MAST4: variants seen among roughly 807,000 people sequenced by gnomAD.
MAST4 encodes microtubule-associated serine/threonine-protein kinase 4.
A neutral mutation model predicts 162.7 loss-of-function variants in MAST4; 89 were observed. The observed-to-expected ratio is 0.55, with a 90% CI of 0.46 to 0.65. The LOEUF (loss-of-function observed/expected upper bound fraction) is 0.65, where lower values mean the gene tolerates loss of function less well. Among genes scored for constraint, MAST4 ranks in the 30% least tolerant of loss-of-function variants. MAST4 has a pLI of 0.00. For synonymous variants in MAST4, 1,479 were observed against 1,361.1 expected (o/e 1.09, Z -1.91); for missense variants, 3,153 against 3,374.0 (o/e 0.93, Z 1.62).
At chr5:66,688,920 T>G (rs1035695047) in intron 1 of MAST4, among the ~76,000 whole-genome samples, 1 of 152,136 alleles carries the variant, frequency 6.6e-6, no homozygotes, top group African/African-American at 2.4e-5. Context: ...AGAGGAACAT[T>G]ATGTGAAATT....
chr5:66,979,995 C>G (rs948368448), intron 4 of MAST4, among the ~76,000 whole-genome samples: 1 of 146,952 alleles, frequency 6.8e-6, no homozygotes, highest in Non-Finnish European at 1.5e-5. Context: ...TCAGGCACCA[C>G]TATTATTGCA....
chr5:67,160,653 C>T (rs1224380669), intron 27 of MAST4, 61 bp downstream of exon 27: 2 of 1,536,520 alleles, frequency 1.3e-6, no homozygotes, highest in Non-Finnish European at 1.8e-6. Flanking sequence ...AAAAGTTACC[C>T]CTTAATTAAA....
At chr5:67,005,143 C>G (rs762395728) in intron 4 of MAST4, 8 of 720,706 alleles carry the variant, frequency 1.1e-5, no homozygotes, top group Non-Finnish European at 2.1e-5. Context: ...CAGGGGCCCA[C>G]AGGCGGAGCT....
intron 6 of MAST4, among the ~76,000 whole-genome samples, chr5:67,090,579 A>G (rs1238797661): frequency 2.7e-5 from 4 of 149,440 alleles, no homozygotes; most frequent in African/African-American, 9.9e-5. Flanking sequence ...GTTTTAACAC[A>G]CCTGCTTTAA....
chr5:66,747,201 G>A (rs371045652), intron 1 of MAST4, among the ~76,000 whole-genome samples: 5 of 152,070 alleles, frequency 3.3e-5, no homozygotes, highest in African/African-American at 1.2e-4. Flanking sequence ...CAGTATCAAA[G>A]TGCTAATATA....
intron 5 of MAST4, among the ~76,000 whole-genome samples, chr5:67,064,878 A>C (rs1760048106): frequency 6.6e-6 from 1 of 152,244 alleles, no homozygotes; most frequent in Non-Finnish European, 1.5e-5. Flanking sequence ...CAACTTCTTG[A>C]AGTTACTGAG....
At chr5:66,815,190 TA>T (rs1227753811) in intron 3 of MAST4, among the ~76,000 whole-genome samples, 1 of 152,236 alleles carries the variant, frequency 6.6e-6, no homozygotes, top group Non-Finnish European at 1.5e-5. Flanking sequence ...TTATGATTTT[TA>T]TACCAAAATG....
chr5:66,723,127 C>T (rs1056359636), intron 1 of MAST4, among the ~76,000 whole-genome samples: 2 of 152,106 alleles, frequency 1.3e-5, no homozygotes, highest in African/African-American at 2.4e-5. Flanking sequence ...TTTACTCCTA[C>T]GTCTTCAGTG....
intron 1 of MAST4, among the ~76,000 whole-genome samples, chr5:66,639,939 T>G (rs1467151785): frequency 3.9e-5 from 6 of 152,208 alleles, no homozygotes; most frequent in Admixed American, 1.3e-4. Flanking sequence ...TTACCTTTTT[T>G]GTGTGTGGTA....
chr5:67,105,032 T>C (rs1765443700), intron 10 of MAST4, among the ~76,000 whole-genome samples: 1 of 152,234 alleles, frequency 6.6e-6, no homozygotes, highest in Admixed American at 6.5e-5. Flanking sequence ...TGGCAACCTA[T>C]ATTTTCATTA....
At chr5:66,623,859 A>C (rs1441947058) in intron 1 of MAST4, among the ~76,000 whole-genome samples, 1 of 152,232 alleles carries the variant, frequency 6.6e-6, no homozygotes, top group Non-Finnish European at 1.5e-5. Flanking sequence ...ATATACATGG[A>C]AAATCCTAAA....
intron 4 of MAST4, among the ~76,000 whole-genome samples, chr5:66,969,836 A>G (rs1361256001): frequency 6.6e-6 from 1 of 152,176 alleles, no homozygotes; most frequent in African/African-American, 2.4e-5. Context: ...GAGAGGTCCC[A>G]TTTGTCTTTT....
chr5:66,625,211 A>ATGGGATTCAGGT (rs1386564032), intron 1 of MAST4, among the ~76,000 whole-genome samples: 2 of 152,118 alleles, frequency 1.3e-5, no homozygotes, highest in African/African-American at 2.4e-5. Context: ...TATATTGCAT[A>ATGGGATTCAGGT]TGGGATTCAG....
At chr5:66,803,929 A>G (rs1756046961) in intron 3 of MAST4, among the ~76,000 whole-genome samples, 2 of 151,812 alleles carry the variant, frequency 1.3e-5, no homozygotes, top group Non-Finnish European at 2.9e-5. Context: ...AGTATGATAA[A>G]TGCTATGGGC....
At chr5:66,659,174 T>C (rs758823359) in intron 1 of MAST4, among the ~76,000 whole-genome samples, 5 of 152,120 alleles carry the variant, frequency 3.3e-5, no homozygotes, top group Admixed American at 6.5e-5. Context: ...GTAAAACCCT[T>C]CCTTCAAGCC....
At chr5:66,685,181 T>G (rs1176623847) in intron 1 of MAST4, among the ~76,000 whole-genome samples, 1 of 152,000 alleles carries the variant, frequency 6.6e-6, no homozygotes, top group Admixed American at 6.6e-5. Context: ...GAGGATTGCT[T>G]GAGACTGGGA....
At chr5:66,865,393 T>C (rs1760435638) in intron 3 of MAST4, among the ~76,000 whole-genome samples, 1 of 151,324 alleles carries the variant, frequency 6.6e-6, no homozygotes, top group South Asian at 2.1e-4. Context: ...GCATGCAGGA[T>C]TACACTAGTC....
At chr5:66,756,309 G>T (rs1353476605) in intron 1 of MAST4, among the ~76,000 whole-genome samples, 2 of 152,182 alleles carry the variant, frequency 1.3e-5, no homozygotes, top group African/African-American at 4.8e-5. Flanking sequence ...AGGACATATT[G>T]CTGTTTCAAT....
At chr5:67,101,610 A>G (rs1765040311) in intron 8 of MAST4, among the ~76,000 whole-genome samples, 1 of 152,188 alleles carries the variant, frequency 6.6e-6, no homozygotes, top group African/African-American at 2.4e-5. Flanking sequence ...AAAATAGCTT[A>G]TTTATTAGGC....
Sources: allele counts gnomAD v4.1 joint callset (sites outside exome capture counted in the v4.1 genomes callset), GRCh38; gene constraint gnomAD v4.1.1; transcripts MANE v1.5; gene names NCBI Gene and HGNC (gene_info 2026-07-23, HGNC 2026-07-21).